Variants in TMEM184B observed in about 807,000 individuals in gnomAD.
TMEM184B encodes putative MAPK-activating protein FM08.
TMEM184B carries 17 observed loss-of-function variants against 41.8 expected under a neutral mutation model. That is an observed-to-expected ratio of 0.41 (90% CI 0.28 to 0.61). The LOEUF (loss-of-function observed/expected upper bound fraction) is 0.61, where lower values mean the gene tolerates loss of function less well. Among genes scored for constraint, TMEM184B ranks in the 20% least tolerant of loss-of-function variants. The pLI is 0.34. For missense variants in TMEM184B, 393 were observed against 557.8 expected, an observed-to-expected ratio of 0.70 and a Z score of 2.98; for synonymous variants, 240 against 229.5, an observed-to-expected ratio of 1.05 and a Z score of -0.41.
intron 1 of TMEM184B, 197 bp downstream of exon 1, chr22:38,272,687 G>A (rs1248164060): frequency 2.3e-5 from 23 of 985,390 alleles, no homozygotes; most frequent in African/African-American, 3.5e-5. Flanking sequence ...GCGGGGCGGA[G>A]AGGAGGCACG....
intron 2 of TMEM184B, 46 bp from the exon 3 acceptor site, chr22:38,246,146 G>A: frequency 6.3e-7 from 1 of 1,585,644 alleles, no homozygotes; most frequent in Non-Finnish European, 8.6e-7. Flanking sequence ...CCTGTCCACA[G>A]GGACGGGAGG....
At position 38,226,656 on chromosome 22, in the gene TMEM184B, G is replaced by A; in HGVS notation, c.617+123C>T. 2 of 972,086 alleles carry A rather than the reference G, an allele frequency of 2.1e-6. No homozygotes were observed. Among genetic ancestry groups the A allele is most frequent in the Non-Finnish European group, 3.1e-6 (2 of 648,956 alleles). 60.2% of individuals were successfully genotyped at this position (972,086 alleles called of 1,614,324 possible). ...TGGGCTCAGACTTCAGGGGGGTTGT[G>A]AGCACCAGACACCCAGGAAGGTCAT... On this transcript the variant is annotated intron_variant, in intron 6 of 8. Transcript: ENST00000361906. The surrounding 1 kb of genome is among the most constrained non-coding windows in gnomAD (Gnocchi z 4.6).
intron 1 of TMEM184B, among the ~76,000 whole-genome samples, chr22:38,267,920 A>G (rs2092467308): frequency 6.6e-6 from 1 of 152,214 alleles, no homozygotes; most frequent in Non-Finnish European, 1.5e-5. Flanking sequence ...CCATCCTTCT[A>G]TGCCATACCC....
In TMEM184B at chr22:38,247,995, C is replaced by T; in HGVS notation, c.-34G>A. 6.5e-7 allele frequency: 1 copy of T among 1,533,072 alleles called. No individual in the cohort carries two copies. Among genetic ancestry groups the T allele is most frequent in the Non-Finnish European group, 8.7e-7 (1 of 1,144,698 alleles). 95.0% of individuals were successfully genotyped at this position (1,533,072 alleles called of 1,614,324 possible). A position where few individuals can be genotyped will look rare whatever the true frequency, so the allele number is the denominator to read the frequency against. On this transcript the variant is annotated 5_prime_UTR_variant, in exon 2 of 9. Transcript: ENST00000361906. ...GCAGCAGGAGGCTCCCTGAGGGAAA[C>T]CTTTGCAGAAAGTGACAAGCTAGCC...
intron 8 of TMEM184B, chr22:38,222,807 C>T (rs915650641): frequency 5.3e-5 from 39 of 737,600 alleles, no homozygotes; most frequent in Non-Finnish European, 6.1e-5. Context: ...ACACCCTGTC[C>T]CCACCCCCCC....
intron 3 of TMEM184B, among the ~76,000 whole-genome samples, chr22:38,238,414 T>C (rs1021792885): frequency 4.6e-5 from 7 of 152,006 alleles, no homozygotes; most frequent in Non-Finnish European, 1.0e-4. Context: ...TTAGTAGAGA[T>C]GGGGTTTCGC....
Position 38,222,814 on chromosome 22 carries a change from C to T in TMEM184B, c.983-1104G>A, listed in dbSNP as rs568956237. On this transcript the variant is annotated intron_variant, in intron 8 of 8. Transcript: ENST00000361906. ...CACACCACACACCCTGTCCCCACCC[C>T]CCCAGGCCCCACAGGGCACCCAGGA... is the stretch of plus-strand genomic sequence containing the variant. The T allele has an allele frequency of 1.0e-5, 7 of 671,812 alleles. No homozygotes were observed. The South Asian group carries it at 3.3e-4, about 32-fold the overall frequency. The allele number at this position is 671,812 out of a possible 1,614,324, so 41.6% of individuals were successfully genotyped here. A position where few individuals can be genotyped will look rare whatever the true frequency, so the allele number is the denominator to read the frequency against.
chr22:38,252,957 A>G (rs183645370), intron 1 of TMEM184B, among the ~76,000 whole-genome samples: 164 of 147,148 alleles, frequency 1.1e-3, no homozygotes, highest in African/African-American at 4.1e-3. Context: ...CCTGGCTAAC[A>G]TGGTGAAACC....
chr22:38,218,597 G>A (rs978339602), downstream of TMEM184B, among the ~76,000 whole-genome samples: 1 of 152,152 alleles, frequency 6.6e-6, no homozygotes, highest in Admixed American at 6.5e-5. Context: ...CCGGGAAAGG[G>A]CCAGATCACG....
chr22:38,250,377 T>C (rs2092136271), intron 1 of TMEM184B, among the ~76,000 whole-genome samples: 1 of 152,212 alleles, frequency 6.6e-6, no homozygotes, highest in South Asian at 2.1e-4. Flanking sequence ...AACACACCAA[T>C]TGAGACACAA....
downstream of TMEM184B, among the ~76,000 whole-genome samples, chr22:38,217,415 C>T (rs1305868456): frequency 2.0e-5 from 2 of 97,984 alleles, no homozygotes; most frequent in Non-Finnish European, 2.0e-5. Context: ...CTGAGGCAGG[C>T]AGATCACGAG....
At chr22:38,218,293 T>C (rs1391167964), downstream of TMEM184B, among the ~76,000 whole-genome samples, 2 of 152,220 alleles carry the variant, frequency 1.3e-5, no homozygotes, top group Non-Finnish European at 2.9e-5. Context: ...TACTGTGGTC[T>C]GTGGGTCACG....
intron 1 of TMEM184B, among the ~76,000 whole-genome samples, chr22:38,268,502 T>C (rs1416549774): frequency 6.6e-6 from 1 of 151,928 alleles, no homozygotes; most frequent in African/African-American, 2.4e-5. Flanking sequence ...ATCTACAACT[T>C]GGGTGACCCT....
chr22:38,228,668 C>T (rs371572393), intron 5 of TMEM184B, among the ~76,000 whole-genome samples: 1 of 152,132 alleles, frequency 6.6e-6, no homozygotes, highest in Non-Finnish European at 1.5e-5. Context: ...CCTGAGGAGT[C>T]AAAGGCCTGT....
At position 38,268,528 on chromosome 22, in the gene TMEM184B, G is replaced by A. The variant is rs138414042; in HGVS notation, c.-59+4356C>T. Among the ~76,000 whole-genome samples the A allele has an allele frequency of 6.4e-4, 97 of 152,128 alleles. 1 individual carries two copies. Among genetic ancestry groups the A allele is most frequent in the Middle Eastern group, 6.8e-3 (2 of 294 alleles). Reference sequence around the variant, plus strand: ...GGGTGACCCTTCAATTCTTCTCTCTGTGGCCGCCTCCCACTCTACCTCTTC... The same window carrying A: ...GGGTGACCCTTCAATTCTTCTCTCTATGGCCGCCTCCCACTCTACCTCTTC... On this transcript the variant is annotated intron_variant, in intron 1 of 8. Transcript: ENST00000361906.
chr22:38,234,065 G>A (rs924724862), intron 3 of TMEM184B, among the ~76,000 whole-genome samples: 3 of 104,334 alleles, frequency 2.9e-5, no homozygotes, highest in Non-Finnish European at 5.8e-5. Context: ...CACCGCGCCC[G>A]GCCGACGGTT....
chr22:38,226,317 G>A lies in TMEM184B; in HGVS notation c.617+462C>T. ...GCTGGTCTTGAACTCCTGACCTCAGGTGATCTACCCGCGTTGGCCTCCCAA... is the reference window on the plus strand; with the variant it reads ...GCTGGTCTTGAACTCCTGACCTCAGATGATCTACCCGCGTTGGCCTCCCAA... On this transcript the variant is annotated intron_variant, in intron 6 of 8. Coordinates refer to ENST00000361906, the MANE Select transcript of TMEM184B (RefSeq NM_012264.5). The surrounding 1 kb of genome is among the most constrained non-coding windows in gnomAD (Gnocchi z 4.6). The A allele has an allele frequency of 6.2e-6, 1 of 160,538 alleles. No homozygotes were observed. The highest frequency in any genetic ancestry group is 1.8e-4 in the East Asian group (1 of 5,554). 9.9% of individuals were successfully genotyped at this position (160,538 alleles called of 1,614,324 possible).
At chr22:38,261,263 G>A (rs1190132931) in intron 1 of TMEM184B, among the ~76,000 whole-genome samples, 2 of 152,310 alleles carry the variant, frequency 1.3e-5, no homozygotes, top group East Asian at 1.9e-4. Context: ...GGGAAAGAGC[G>A]GCCCCTGGCC....
rs528113967 is a variant in TMEM184B, at chr22:38,245,438, G to A, written c.358+497C>T. 7.6e-5 allele frequency among the ~76,000 whole-genome samples: 11 copies of A among 143,796 alleles called. No individual in the cohort carries two copies. The East Asian group carries it at 2.3e-3, about 29-fold the overall frequency. The allele number at this position is 143,796 out of a possible 152,430, so 94.3% of individuals were successfully genotyped here. ...CCAGGGGGAGGGCCCTTGCTTCCAG[G>A]TACCTGCCTGAGACGCCAGCACTAA... On this transcript the variant is annotated intron_variant, in intron 3 of 8. Coordinates refer to ENST00000361906, the MANE Select transcript of TMEM184B (RefSeq NM_012264.5).
Sources: gnomAD v4.1 joint callset for allele counts (sites outside exome capture counted in the v4.1 genomes callset) on GRCh38, gnomAD v4.1.1 for gene constraint, Gnocchi (gnomAD v3.1) non-coding constraint, MANE v1.5 for transcripts, NCBI Gene and HGNC (gene_info 2026-07-23, HGNC 2026-07-21) for gene names.